PPP1R16B: variants seen among roughly 807,000 people sequenced by gnomAD.
The protein encoded by PPP1R16B is protein phosphatase 1 regulatory inhibitor subunit 16B.
A neutral mutation model predicts 61.7 loss-of-function variants in PPP1R16B; 14 were observed. The observed-to-expected ratio is 0.23, with a 90% CI of 0.15 to 0.35. The LOEUF (loss-of-function observed/expected upper bound fraction) is 0.35. Ranked by LOEUF, PPP1R16B falls within the 10% of genes least tolerant of loss-of-function variation. The pLI, the probability that PPP1R16B is intolerant of heterozygous loss-of-function variation, is 1.00. For missense variants in PPP1R16B, 547 were observed against 752.5 expected, an observed-to-expected ratio of 0.73 and a Z score of 3.19; for synonymous variants, 266 against 305.3, an observed-to-expected ratio of 0.87 and a Z score of 1.34.
At chr20:38,916,753 C>T (rs1040957103) in intron 10 of PPP1R16B, among the ~76,000 whole-genome samples, 2 of 152,096 alleles carry the variant, frequency 1.3e-5, no homozygotes, top group Admixed American at 6.5e-5. Flanking sequence ...AACTGTCCAT[C>T]AAAGAGACTG....
At chr20:38,896,680 T>C (rs1419003278) in intron 4 of PPP1R16B, among the ~76,000 whole-genome samples, 1 of 152,186 alleles carries the variant, frequency 6.6e-6, no homozygotes, top group African/African-American at 2.4e-5. Flanking sequence ...TACATTCATA[T>C]TGTTGTGCAG....
chr20:38,815,725 A>G (rs2084731196), intron 1 of PPP1R16B, among the ~76,000 whole-genome samples: 1 of 152,268 alleles, frequency 6.6e-6, no homozygotes, highest in African/African-American at 2.4e-5. Context: ...AAGGTTCTAC[A>G]GTAATTTTTA....
chr20:38,825,591 G>T (rs1441435209), intron 1 of PPP1R16B, among the ~76,000 whole-genome samples: 1 of 152,088 alleles, frequency 6.6e-6, no homozygotes, highest in East Asian at 1.9e-4. Flanking sequence ...TTCTTCCTTT[G>T]CTCCCTAGGA....
intron 1 of PPP1R16B, among the ~76,000 whole-genome samples, chr20:38,808,448 A>C (rs1470328249): frequency 6.6e-6 from 1 of 151,598 alleles, no homozygotes; most frequent in Non-Finnish European, 1.5e-5. Flanking sequence ...CCCAACTGGC[A>C]CTCTTCCAGC....
intron 2 of PPP1R16B, among the ~76,000 whole-genome samples, chr20:38,873,867 T>C (rs2085147979): frequency 6.6e-6 from 1 of 151,844 alleles, no homozygotes; most frequent in South Asian, 2.1e-4. Flanking sequence ...TAGCTGGGAT[T>C]ACAGGCATGT....
intron 6 of PPP1R16B, 116 bp downstream of exon 6, chr20:38,902,908 G>T (rs1425428084): frequency 2.0e-6 from 3 of 1,487,296 alleles, no homozygotes; most frequent in Non-Finnish European, 2.7e-6. Flanking sequence ...ACCTCCGCAA[G>T]AATCCTTTTG....
chr20:38,849,859 A>G (rs1392651057), intron 2 of PPP1R16B, among the ~76,000 whole-genome samples: 1 of 152,172 alleles, frequency 6.6e-6, no homozygotes, highest in African/African-American at 2.4e-5. Context: ...GATTTTTAAC[A>G]TTGAGGTCAA....
At chr20:38,879,837 G>A (rs781642958) in intron 2 of PPP1R16B, among the ~76,000 whole-genome samples, 4 of 152,190 alleles carry the variant, frequency 2.6e-5, no homozygotes, top group Admixed American at 6.5e-5. Context: ...TTATAGCTAC[G>A]TGTCTGGGGT....
rs62202522 is a variant in PPP1R16B at position 38,849,682 on chromosome 20, C to A, written c.250+13507C>A. On this transcript the variant is annotated intron_variant, in intron 2 of 10. Transcript: ENST00000299824. ...GATTTAAAAACAACAACAACAACAA[C>A]AACAAAAAAAAAACAAAAAACTGTT... Among the ~76,000 whole-genome samples the A allele has an allele frequency of 0.013, 279 of 22,116 alleles. 2 individuals are homozygous for A. In the East Asian group the frequency reaches 0.18, roughly 14 times the overall value. The allele number at this position is 22,116 out of a possible 152,430, so 14.5% of individuals were successfully genotyped here.
intron 2 of PPP1R16B, among the ~76,000 whole-genome samples, chr20:38,862,802 T>C (rs1387922751): frequency 6.6e-6 from 1 of 152,182 alleles, no homozygotes; most frequent in Admixed American, 6.5e-5. Context: ...CCTTCCCTGC[T>C]CTCCTGCCCA....
At chr20:38,912,899 CT>C (rs908679704) in intron 10 of PPP1R16B, among the ~76,000 whole-genome samples, 1 of 152,182 alleles carries the variant, frequency 6.6e-6, no homozygotes, top group Non-Finnish European at 1.5e-5. Flanking sequence ...AGGTCTCACT[CT>C]GTTGCCCAGG....
intron 10 of PPP1R16B, among the ~76,000 whole-genome samples, chr20:38,913,998 C>G (rs2085512737): frequency 6.6e-6 from 1 of 152,216 alleles, no homozygotes; most frequent in Non-Finnish European, 1.5e-5. Context: ...TTGAGACCAG[C>G]CTGGCCAACA....
chr20:38,882,233 C>T (rs1301476962), intron 2 of PPP1R16B, among the ~76,000 whole-genome samples: 1 of 152,132 alleles, frequency 6.6e-6, no homozygotes, highest in Non-Finnish European at 1.5e-5. Flanking sequence ...GTTGAGTCCC[C>T]TGTATCCAGC....
At chr20:38,854,056 A>G (rs891046625) in intron 2 of PPP1R16B, among the ~76,000 whole-genome samples, 2 of 152,148 alleles carry the variant, frequency 1.3e-5, no homozygotes, top group Non-Finnish European at 2.9e-5. Flanking sequence ...TCTACCACAC[A>G]TTCTAGACTT....
chr20:38,904,767 G>A (rs1163693408), intron 6 of PPP1R16B, among the ~76,000 whole-genome samples: 1 of 152,098 alleles, frequency 6.6e-6, no homozygotes, highest in East Asian at 1.9e-4. Context: ...TTGTCCCACT[G>A]ACTCTCCAGC....
chr20:38,877,076 A>G (rs993805847), intron 2 of PPP1R16B, among the ~76,000 whole-genome samples: 3 of 152,200 alleles, frequency 2.0e-5, no homozygotes, highest in African/African-American at 7.2e-5. Context: ...TTCCTCAAAG[A>G]TACCAGCTGC....
chr20:38,888,920 CACACACA>C (rs2085268986), intron 2 of PPP1R16B, among the ~76,000 whole-genome samples: 2 of 151,000 alleles, frequency 1.3e-5, no homozygotes, highest in South Asian at 4.2e-4. Flanking sequence ...CACACACACA[CACACACA>C]CCCCTAGACA....
chr20:38,901,446 G>T (rs1232450346), intron 5 of PPP1R16B, among the ~76,000 whole-genome samples: 5 of 152,150 alleles, frequency 3.3e-5, no homozygotes, highest in African/African-American at 1.2e-4. Flanking sequence ...GTCTTGCTGT[G>T]TCCCCCAGGC....
At position 38,896,112 on chromosome 20, in the gene PPP1R16B, CTTCCTTCTTTCTTCCCTTCCTCCCTCCT is replaced by C. The variant is rs1568679424; in HGVS notation, c.467+418_467+445del. ...TCTGCCTTTCTTCTGTCTCCCCTCC[CTTCCTTCTTTCTTCCCTTCCTCCCTCCT>C]TTCCTTCTTTCTTCCTCCCTCCCTT... On this transcript the variant is annotated intron_variant, in intron 4 of 10. Transcript: ENST00000299824. Among the ~76,000 whole-genome samples, 14 of 116,246 alleles carry C rather than the reference CTTCCTTCTTTCTTCCCTTCCTCCCTCCT, an allele frequency of 1.2e-4. No individual in the cohort carries two copies. In the South Asian group the frequency reaches 1.5e-3, roughly 12 times the overall value. The allele number at this position is 116,246 out of a possible 152,430, so 76.3% of individuals were successfully genotyped here.
Sources: allele counts gnomAD v4.1 joint callset (sites outside exome capture counted in the v4.1 genomes callset), GRCh38; gene constraint gnomAD v4.1.1; transcripts MANE v1.5; gene names NCBI Gene and HGNC (gene_info 2026-07-23, HGNC 2026-07-21).